KLHL29: variants seen among roughly 807,000 people sequenced by gnomAD.
KLHL29 encodes kelch-like protein 29.
In KLHL29, 21 loss-of-function variants were observed where a neutral mutation model predicts 80.4. The observed-to-expected ratio is 0.26, with a 90% CI of 0.19 to 0.38. The LOEUF is 0.38. Ranked by LOEUF, KLHL29 falls within the 10% of genes least tolerant of loss-of-function variation. The probability of loss-of-function intolerance (pLI) is 1.00; values close to 1 mark genes in which losing one functional copy is unlikely to be tolerated. For missense variants in KLHL29, 867 were observed against 1,223.9 expected, an observed-to-expected ratio of 0.71 and a Z score of 4.35; for synonymous variants, 511 against 526.8, an observed-to-expected ratio of 0.97 and a Z score of 0.41.
chr2:23,412,233 A>G (rs1666883625), intron 1 of KLHL29, among the ~76,000 whole-genome samples: 1 of 151,848 alleles, frequency 6.6e-6, no homozygotes, highest in Non-Finnish European at 1.5e-5. Context: ...TCGAGTGGCC[A>G]GATCACGCCT....
rs182052976 is a variant in KLHL29, at chr2:23,686,157, G to A, written c.1079+1620G>A. On this transcript the variant is annotated intron_variant, in intron 6 of 13. Transcript: ENST00000486442. ...CATGAGTGGGGAAGGGCAGGGTGGGGCAGATGGCCCTCCAGAGGGGGCTGC... is the reference window on the plus strand; with the variant it reads ...CATGAGTGGGGAAGGGCAGGGTGGGACAGATGGCCCTCCAGAGGGGGCTGC... 3.8e-4 allele frequency among the ~76,000 whole-genome samples: 7 copies of A among 18,488 alleles called. No homozygotes were observed. In the East Asian group the frequency reaches 8.5e-3, roughly 23 times the overall value. The allele number at this position is 18,488 out of a possible 152,430, so 12.1% of individuals were successfully genotyped here.
intron 5 of KLHL29, among the ~76,000 whole-genome samples, chr2:23,664,789 AT>A (rs2149172066): frequency 6.6e-6 from 1 of 151,900 alleles, no homozygotes; most frequent in African/African-American, 2.4e-5. Context: ...CCCCAGACTC[AT>A]TGGCAGGGCC....
At chr2:23,641,532 G>A (rs1364507462) in intron 4 of KLHL29, among the ~76,000 whole-genome samples, 1 of 151,386 alleles carries the variant, frequency 6.6e-6, no homozygotes, top group East Asian at 1.9e-4. Context: ...CAGAAAGGGA[G>A]GAGAAACCCC....
intron 1 of KLHL29, among the ~76,000 whole-genome samples, chr2:23,432,151 T>C (rs879590561): frequency 2.0e-5 from 3 of 152,220 alleles, no homozygotes; most frequent in Non-Finnish European, 4.4e-5. Context: ...TTACTGTACA[T>C]GAAAGTATGC....
In KLHL29 at chr2:23,573,819, C is replaced by T. The variant is rs115428057; in HGVS notation, c.285+11338C>T. Among the ~76,000 whole-genome samples the T allele has an allele frequency of 4.9e-3, 749 of 152,284 alleles. 4 individuals carry two copies. The highest frequency in any genetic ancestry group is 0.017 in the African/African-American group (712 of 41,548). On this transcript the variant is annotated intron_variant, in intron 3 of 13. Coordinates refer to ENST00000486442, the MANE Select transcript of KLHL29 (RefSeq NM_052920.2). ...TGGGGACCGTTGGGCCTTAAAGCCC[C>T]GGCCTCTCTTTCTTTCTGAGGGTTT...
intron 2 of KLHL29, among the ~76,000 whole-genome samples, chr2:23,543,554 C>G (rs1263010557): frequency 6.6e-6 from 1 of 152,192 alleles, no homozygotes; most frequent in East Asian, 1.9e-4. Context: ...TCCCTGCCCT[C>G]TGAAGTTACT....
chr2:23,564,020 G>T (rs1667523023), intron 3 of KLHL29, among the ~76,000 whole-genome samples: 1 of 152,274 alleles, frequency 6.6e-6, no homozygotes, highest in Admixed American at 6.5e-5. Flanking sequence ...TCTGGCAGGC[G>T]CTCTGCAGGG....
At chr2:23,400,724 C>T (rs1368929483) in intron 1 of KLHL29, among the ~76,000 whole-genome samples, 1 of 152,114 alleles carries the variant, frequency 6.6e-6, no homozygotes, top group East Asian at 1.9e-4. Context: ...CCTATAGTCC[C>T]AGCTACTTGG....
intron 3 of KLHL29, among the ~76,000 whole-genome samples, chr2:23,628,156 C>A (rs952837747): frequency 1.3e-5 from 2 of 152,084 alleles, no homozygotes; most frequent in Admixed American, 6.5e-5. Context: ...GTGATCCACC[C>A]GCATTGGCCT....
chr2:23,392,790 T>C (rs770990010), intron 1 of KLHL29, among the ~76,000 whole-genome samples: 19 of 152,228 alleles, frequency 1.2e-4, no homozygotes, highest in Non-Finnish European at 2.2e-4. Context: ...TTTTTTCCCA[T>C]GCATCTGCAC....
At chr2:23,677,570 G>A (rs1230159943) in intron 5 of KLHL29, among the ~76,000 whole-genome samples, 1 of 152,234 alleles carries the variant, frequency 6.6e-6, no homozygotes, top group Non-Finnish European at 1.5e-5. Context: ...GGAAGCTGGA[G>A]CCCGCTCTTG....
intron 1 of KLHL29, among the ~76,000 whole-genome samples, chr2:23,402,405 C>T (rs749841361): frequency 9.2e-5 from 14 of 152,194 alleles, no homozygotes; most frequent in South Asian, 2.1e-4. Flanking sequence ...TCCCACACAC[C>T]GGATTAGAAT....
At chr2:23,486,518 G>A (rs1383411712) in intron 2 of KLHL29, among the ~76,000 whole-genome samples, 3 of 152,164 alleles carry the variant, frequency 2.0e-5, no homozygotes, top group Admixed American at 6.5e-5. Context: ...CGCTCTGGAT[G>A]GGGCCATGTG....
At position 23,539,431 on chromosome 2, in the gene KLHL29, C is replaced by CTTTTTTTTTTTT. The variant is rs1666768797; in HGVS notation, c.-45-22721_-45-22720insTTTTTTTTTTTT. Among the ~76,000 whole-genome samples, 8 of 107,216 alleles carry CTTTTTTTTTTTT rather than the reference C, an allele frequency of 7.5e-5. 3 individuals carry two copies. Among genetic ancestry groups the CTTTTTTTTTTTT allele is most frequent in the Admixed American group, 2.0e-4 (2 of 9,846 alleles). The allele number at this position is 107,216 out of a possible 152,430, so 70.3% of individuals were successfully genotyped here. A position where few individuals can be genotyped will look rare whatever the true frequency, so the allele number is the denominator to read the frequency against. Reference sequence around the variant, plus strand: ...ATGCTTTGCTAGCCTTATCCTGCCTCCTTTTTTTTTTTTTTTTTTTTTTTT... The same window carrying CTTTTTTTTTTTT: ...ATGCTTTGCTAGCCTTATCCTGCCTCTTTTTTTTTTTTCTTTTTTTTTTTTTTTTTTTTTTTT... On this transcript the variant is annotated intron_variant, in intron 2 of 13. Transcript: ENST00000486442.
rs529955357 is a variant in KLHL29 at position 23,695,742 on chromosome 2, C to T, written c.1662C>T (p.Asn554=). 50 of 1,551,544 alleles carry T rather than the reference C, an allele frequency of 3.2e-5. No individual in the cohort carries two copies. Among genetic ancestry groups the T allele is most frequent in the African/African-American group, 4.1e-5 (3 of 73,172 alleles). The change falls in exon 9 of 14, where the codon AAC becomes AAT. Residue 554 remains asparagine (N), a synonymous_variant. Coordinates refer to ENST00000486442, the MANE Select transcript of KLHL29 (RefSeq NM_052920.2). This position sits in a 1 kb window ranked among gnomAD's most constrained non-coding sequence, Gnocchi z 7.6. The stretch of plus-strand genomic sequence containing the variant: ...CAGAAGCCTGCCGGGACCTGGTGAA[C>T]GAGGCCAAACGCTACCATATGCTGC... The part of the protein sequence containing the change: ...KSSEACRDLV[N]EAKRYHMLPH...
chr2:23,459,449 GAGA>G lies in KLHL29; in HGVS notation c.-153-16107_-153-16105del, dbSNP rs376613386. On this transcript the variant is annotated intron_variant, in intron 1 of 13. Coordinates refer to ENST00000486442, the MANE Select transcript of KLHL29 (RefSeq NM_052920.2). ...GGAAGAAGAGAATGGAGTAAAAAAA[GAGA>G]AGAGGGCCTGGCAAAACATCTTCTA... Among the ~76,000 whole-genome samples the G allele has an allele frequency of 3.7e-4, 56 of 152,306 alleles. No homozygotes were observed. In the East Asian group the frequency reaches 0.01, roughly 27 times the overall value.
chr2:23,423,930 G>C (rs899686491), intron 1 of KLHL29, among the ~76,000 whole-genome samples: 7 of 152,082 alleles, frequency 4.6e-5, no homozygotes, highest in Non-Finnish European at 1.0e-4. Context: ...ATCTCTCCCC[G>C]ACCCCATTCA....
At chr2:23,694,052 G>GA (rs1671789380) in intron 8 of KLHL29, among the ~76,000 whole-genome samples, 1 of 152,210 alleles carries the variant, frequency 6.6e-6, no homozygotes, top group Non-Finnish European at 1.5e-5. Flanking sequence ...TAGGAAGTTA[G>GA]ATGGGGCAGC....
intron 3 of KLHL29, among the ~76,000 whole-genome samples, chr2:23,614,901 C>T (rs1412012801): frequency 6.6e-6 from 1 of 152,152 alleles, no homozygotes; most frequent in African/African-American, 2.4e-5. Flanking sequence ...AGAGGGGCGC[C>T]CTGGGCCCTG....
Sources: allele counts gnomAD v4.1 joint callset (sites outside exome capture counted in the v4.1 genomes callset), GRCh38; gene constraint gnomAD v4.1.1; non-coding constraint Gnocchi (gnomAD v3.1); transcripts MANE v1.5; gene names NCBI Gene and HGNC (gene_info 2026-07-23, HGNC 2026-07-21).